Variants in STARD13 observed in about 807,000 individuals in gnomAD.
STARD13 encodes the protein stAR-related lipid transfer protein 13.
Under a neutral mutation model 106.4 loss-of-function variants are expected in STARD13, and 62 were observed. The ratio of observed to expected loss-of-function variants is 0.58; its 90% CI spans 0.48 to 0.72. The LOEUF (loss-of-function observed/expected upper bound fraction) is 0.72, where lower values mean the gene tolerates loss of function less well. Among genes scored for constraint, STARD13 ranks in the 30% least tolerant of loss-of-function variants. STARD13 has a pLI of 0.00. For missense variants in STARD13, 1,387 were observed against 1,424.0 expected, an observed-to-expected ratio of 0.97 and a Z score of 0.42; for synonymous variants, 565 against 553.0, an observed-to-expected ratio of 1.02 and a Z score of -0.31.
chr13:33,636,139 CAAAA>C, the STARD13 span, among the ~76,000 whole-genome samples: 1 of 47,298 alleles, frequency 2.1e-5, no homozygotes, highest in East Asian at 6.6e-4. Flanking sequence ...GACTCTGTCT[CAAAA>C]AAAAAAAAAA....
chr13:33,255,111 A>T (rs1890292602), intron 1 of STARD13, among the ~76,000 whole-genome samples: 1 of 145,606 alleles, frequency 6.9e-6, no homozygotes, highest in African/African-American at 2.5e-5. Context: ...CCCCCCCCTC[A>T]GAGGCTTGAT....
At chr13:33,477,620 C>G in the STARD13 span, among the ~76,000 whole-genome samples, 9 of 152,234 alleles carry the variant, frequency 5.9e-5, no homozygotes, top group African/African-American at 2.2e-4. Context: ...TTGTTATATC[C>G]TCTTCCTTTT....
At chr13:33,543,850 C>G in the STARD13 span, among the ~76,000 whole-genome samples, 2 of 152,174 alleles carry the variant, frequency 1.3e-5, no homozygotes, top group African/African-American at 4.8e-5. Flanking sequence ...ATTGCTTTGT[C>G]AATAATGCTT....
chr13:33,141,600 G>A (rs1879839890), intron 4 of STARD13, among the ~76,000 whole-genome samples: 1 of 152,168 alleles, frequency 6.6e-6, no homozygotes, highest in African/African-American at 2.4e-5. Flanking sequence ...TGAAAGATGA[G>A]CCAGAGTTCA....
At chr13:33,496,313 ACT>A in the STARD13 span, among the ~76,000 whole-genome samples, 79 of 150,396 alleles carry the variant, frequency 5.3e-4, 1 homozygote, top group African/African-American at 1.9e-3. Flanking sequence ...TTAAAAATAA[ACT>A]CAGTTTATTT....
chr13:33,322,012 GCTATGA>G (rs1355407953), intron 1 of STARD13, among the ~76,000 whole-genome samples: 1 of 152,120 alleles, frequency 6.6e-6, no homozygotes, highest in East Asian at 1.9e-4. Context: ...GAATTCTTCT[GCTATGA>G]CTTGTGAGTA....
chr13:33,576,249 G>A, the STARD13 span, among the ~76,000 whole-genome samples: 1 of 152,096 alleles, frequency 6.6e-6, no homozygotes, highest in East Asian at 1.9e-4. Context: ...TTGAAACAAG[G>A]TCTTGCTCTG....
chr13:33,499,592 TTCTTCTTCTTCTTTC>T, the STARD13 span, among the ~76,000 whole-genome samples: 14 of 56,350 alleles, frequency 2.5e-4, no homozygotes, highest in East Asian at 1.0e-3. Flanking sequence ...CTTCTTCTTC[TTCTTCTTCTTCTTTC>T]TTCTTCTTCT....
At chr13:33,389,687 A>C in the STARD13 span, among the ~76,000 whole-genome samples, 1 of 152,216 alleles carries the variant, frequency 6.6e-6, no homozygotes. Flanking sequence ...GTGCATAAAT[A>C]AAATTTAAAA....
the STARD13 span, among the ~76,000 whole-genome samples, chr13:33,475,481 C>A: frequency 2.0e-5 from 3 of 152,256 alleles, no homozygotes; most frequent in Non-Finnish European, 4.4e-5. Flanking sequence ...TCCTAAGCTA[C>A]CTTTGTCAAG....
the STARD13 span, among the ~76,000 whole-genome samples, chr13:33,510,129 A>C: frequency 0.52 from 79,341 of 152,086 alleles, 21,956 homozygotes; most frequent in African/African-American, 0.72. Context: ...CTCTCTACCA[A>C]TGTGAAGTGG....
chr13:33,310,257 G>C (rs1357486693), intron 1 of STARD13, among the ~76,000 whole-genome samples: 1 of 152,166 alleles, frequency 6.6e-6, no homozygotes, highest in African/African-American at 2.4e-5. Context: ...GGCTGTCAAT[G>C]AGTTTAAGAC....
downstream of STARD13, among the ~76,000 whole-genome samples, chr13:33,344,035 C>T (rs1425654923): frequency 6.6e-6 from 1 of 152,090 alleles, no homozygotes; most frequent in Non-Finnish European, 1.5e-5. Flanking sequence ...CCTGTATTCG[C>T]CCCAGAATTC....
intron 1 of STARD13, among the ~76,000 whole-genome samples, chr13:33,168,311 C>G (rs1883566280): frequency 6.6e-6 from 1 of 152,104 alleles, no homozygotes; most frequent in African/African-American, 2.4e-5. Context: ...CTGCCAGAAC[C>G]TCTGAGGGCC....
At chr13:33,267,318 A>G (rs1166544468) in intron 1 of STARD13, among the ~76,000 whole-genome samples, 2 of 152,202 alleles carry the variant, frequency 1.3e-5, no homozygotes, top group Non-Finnish European at 2.9e-5. Context: ...CTCCCAGTAA[A>G]GACAGGCATG....
In STARD13 at chr13:33,248,586, A is replaced by C. The variant is rs1889946349; in HGVS notation, c.169+36884T>G. The stretch of plus-strand genomic sequence containing the variant: ...TTAGGTACAGTGACTCCCACTCCAC[A>C]CTGCTCCCCCATCCCTCTATTCCTC... On this transcript the variant is annotated intron_variant, in intron 1 of 13. Coordinates refer to ENST00000336934, the MANE Select transcript of STARD13 (RefSeq NM_178006.4). 2.0e-5 allele frequency among the ~76,000 whole-genome samples: 3 copies of C among 152,130 alleles called. No individual in the cohort carries two copies. In the South Asian group the frequency reaches 6.2e-4, roughly 32 times the overall value.
At chr13:33,377,603 T>C in the STARD13 span, among the ~76,000 whole-genome samples, 1 of 148,756 alleles carries the variant, frequency 6.7e-6, no homozygotes, top group East Asian at 2.0e-4. Flanking sequence ...CCGCTTATAC[T>C]CTCATCTCCC....
At chr13:33,428,177 T>C in the STARD13 span, among the ~76,000 whole-genome samples, 2 of 152,090 alleles carry the variant, frequency 1.3e-5, no homozygotes, top group Non-Finnish European at 2.9e-5. Flanking sequence ...CAAAATGACT[T>C]AATATGGATT....
chr13:33,306,765 C>A (rs1464467807), intron 1 of STARD13, among the ~76,000 whole-genome samples: 1 of 152,124 alleles, frequency 6.6e-6, no homozygotes, highest in Non-Finnish European at 1.5e-5. Context: ...GCCTGGCCAA[C>A]ATGGTGAAAC....
Sources: allele counts gnomAD v4.1 joint callset (sites outside exome capture counted in the v4.1 genomes callset), GRCh38; gene constraint gnomAD v4.1.1; transcripts MANE v1.5; gene names NCBI Gene and HGNC (gene_info 2026-07-23, HGNC 2026-07-21).